The following DLG2 variants were observed in gnomAD, a reference collection of about 807,000 sequenced individuals.
The protein encoded by DLG2 is disks large homolog 2.
DLG2 carries 45 observed loss-of-function variants against 132.5 expected under a neutral mutation model. The ratio of observed to expected loss-of-function variants is 0.34; its 90% CI spans 0.27 to 0.44. DLG2 has a LOEUF of 0.44. Among genes scored for constraint, DLG2 ranks in the 20% least tolerant of loss-of-function variants. The pLI is 1.00. For synonymous variants in DLG2, 424 were observed against 419.6 expected (o/e 1.01, Z -0.13); for missense variants, 1,045 against 1,196.9 (o/e 0.87, Z 1.87).
At chr11:85,433,188 A>G (rs2091287423) in intron 3 of DLG2, among the ~76,000 whole-genome samples, 1 of 152,212 alleles carries the variant, frequency 6.6e-6, no homozygotes, top group Non-Finnish European at 1.5e-5. Flanking sequence ...GGAAAGGAAA[A>G]ATCAATACCA....
At chr11:84,633,690 C>T (rs1212905088) in intron 6 of DLG2, among the ~76,000 whole-genome samples, 7 of 151,874 alleles carry the variant, frequency 4.6e-5, no homozygotes, top group East Asian at 1.9e-4. Context: ...GCCTGTCACA[C>T]GGTAGTTGCT....
chr11:84,498,084 G>C (rs1257213374), intron 7 of DLG2, among the ~76,000 whole-genome samples: 1 of 152,142 alleles, frequency 6.6e-6, no homozygotes, highest in Non-Finnish European at 1.5e-5. Flanking sequence ...GTGGAAACTG[G>C]GATAGTCACC....
chr11:84,422,646 A>T (rs1781539115), intron 7 of DLG2, among the ~76,000 whole-genome samples: 1 of 152,174 alleles, frequency 6.6e-6, no homozygotes, highest in Non-Finnish European at 1.5e-5. Context: ...TCATAGTTGA[A>T]GTTGTTTTAG....
intron 7 of DLG2, among the ~76,000 whole-genome samples, chr11:84,262,471 A>G (rs921199354): frequency 7.2e-5 from 11 of 152,340 alleles, no homozygotes; most frequent in African/African-American, 2.6e-4. Context: ...CTAGACATTT[A>G]TTCAAAGCCT....
At chr11:84,949,524 C>T (rs895976743) in intron 6 of DLG2, among the ~76,000 whole-genome samples, 20 of 142,726 alleles carry the variant, frequency 1.4e-4, no homozygotes, top group African/African-American at 5.0e-4. Context: ...TACACCCTGG[C>T]GGGCGGGGGG....
intron 6 of DLG2, among the ~76,000 whole-genome samples, chr11:84,585,702 C>A (rs1341750780): frequency 6.6e-6 from 1 of 151,966 alleles, no homozygotes; most frequent in Non-Finnish European, 1.5e-5. Flanking sequence ...TCCTTTTTTG[C>A]ATATATTTAG....
chr11:84,134,220 G>A (rs2094520935), intron 9 of DLG2, among the ~76,000 whole-genome samples: 2 of 151,956 alleles, frequency 1.3e-5, no homozygotes, highest in Non-Finnish European at 2.9e-5. Context: ...TAACATCTAG[G>A]GAGAGCTTCT....
At chr11:85,483,829 A>G (rs1305105493) in intron 3 of DLG2, among the ~76,000 whole-genome samples, 1 of 151,344 alleles carries the variant, frequency 6.6e-6, no homozygotes, top group Non-Finnish European at 1.5e-5. Flanking sequence ...CTGTAATCCC[A>G]GCTACTCAGG....
intron 16 of DLG2, among the ~76,000 whole-genome samples, chr11:83,850,044 C>G (rs2059383239): frequency 6.6e-6 from 1 of 151,890 alleles, no homozygotes; most frequent in Middle Eastern, 3.2e-3. Context: ...ACTTAATGGG[C>G]TCTCATCCTA....
intron 21 of DLG2, among the ~76,000 whole-genome samples, chr11:83,487,202 T>C (rs2093572404): frequency 6.6e-6 from 1 of 152,048 alleles, no homozygotes; most frequent in African/African-American, 2.4e-5. Context: ...GGAAACATCT[T>C]TAAATAGACA....
chr11:84,955,315 C>G (rs1161413936), intron 6 of DLG2: 1 of 152,172 alleles, frequency 6.6e-6, no homozygotes, highest in Non-Finnish European at 1.5e-5. Flanking sequence ...ACCTATGCAG[C>G]TGACTTTATT....
chr11:84,797,174 T>C (rs2074750130), intron 6 of DLG2, among the ~76,000 whole-genome samples: 1 of 152,152 alleles, frequency 6.6e-6, no homozygotes, highest in South Asian at 2.1e-4. Flanking sequence ...CCTTGACTTT[T>C]GGTAGTTTAA....
Position 83,484,393 on chromosome 11 carries a change from G to A in DLG2, c.2194-165C>T, listed in dbSNP as rs182632926. ...TTCTAAAGGTCGATTTTATTTTCAA[G>A]GAGTATAAATTCTGAATGGTGGCAC... On this transcript the variant is annotated intron_variant, in intron 21 of 27. Coordinates refer to ENST00000376104, the MANE Select transcript of DLG2 (RefSeq NM_001142699.3). Among the ~76,000 whole-genome samples, 466 of 152,260 alleles carry A rather than the reference G, an allele frequency of 3.1e-3. 2 individuals carry two copies. The highest frequency in any genetic ancestry group is 6.7e-3 in the African/African-American group (279 of 41,564).
chr11:84,605,766 A>G (rs967676850), intron 6 of DLG2, among the ~76,000 whole-genome samples: 2 of 151,970 alleles, frequency 1.3e-5, no homozygotes, highest in African/African-American at 4.8e-5. Context: ...TTACCTTTCT[A>G]GGCCTCTGGT....
intron 6 of DLG2, among the ~76,000 whole-genome samples, chr11:84,676,760 G>A (rs919889664): frequency 2.6e-5 from 4 of 151,918 alleles, no homozygotes; most frequent in African/African-American, 7.3e-5. Flanking sequence ...ATAATATATT[G>A]ATTAGCAAAT....
chr11:84,662,451 A>G (rs2099695408), intron 6 of DLG2, among the ~76,000 whole-genome samples: 1 of 151,988 alleles, frequency 6.6e-6, no homozygotes, highest in Non-Finnish European at 1.5e-5. Flanking sequence ...CTGGGATTAC[A>G]GTCATGAACC....
At chr11:84,799,763 T>C (rs1178689668) in intron 6 of DLG2, among the ~76,000 whole-genome samples, 1 of 152,196 alleles carries the variant, frequency 6.6e-6, no homozygotes, top group Non-Finnish European at 1.5e-5. Flanking sequence ...CCAGGAAATA[T>C]TCAAGAGGTA....
At chr11:83,849,437 C>T (rs1182493912) in intron 16 of DLG2, among the ~76,000 whole-genome samples, 2 of 151,430 alleles carry the variant, frequency 1.3e-5, no homozygotes, top group Non-Finnish European at 1.5e-5. Flanking sequence ...ATTATTATGA[C>T]CGACTTGGTC....
At chr11:85,097,776 T>C (rs1217030981) in intron 6 of DLG2, among the ~76,000 whole-genome samples, 2 of 152,218 alleles carry the variant, frequency 1.3e-5, no homozygotes, top group Admixed American at 1.3e-4. Flanking sequence ...TTATTCTGTA[T>C]ACATAGTATG....
Sources: gnomAD v4.1 joint callset for allele counts (sites outside exome capture counted in the v4.1 genomes callset) on GRCh38, gnomAD v4.1.1 for gene constraint, MANE v1.5 for transcripts, NCBI Gene and HGNC (gene_info 2026-07-23, HGNC 2026-07-21) for gene names.